H3-3A: variants seen among roughly 807,000 people sequenced by gnomAD.
H3-3A encodes the protein histone H3.3.
For missense variants in H3-3A, 7 were observed against 184.0 expected (o/e 0.04, Z 5.57); for synonymous variants, 49 against 61.4 (o/e 0.80, Z 0.95).
At chr1:226,065,554 G>A in intron 2 of H3-3A, 102 bp from the exon 3 acceptor site, 5 of 753,304 alleles carry the variant, frequency 6.6e-6, no homozygotes, top group Non-Finnish European at 1.1e-5. Flanking sequence ...ATTGTTGGGT[G>A]GCTTATTTTT....
intron 2 of H3-3A, among the ~76,000 whole-genome samples, chr1:226,065,365 T>TGTATATAA (rs1468306253): frequency 6.6e-6 from 1 of 152,246 alleles, no homozygotes; most frequent in African/African-American, 2.4e-5. Flanking sequence ...TGACAGCTAA[T>TGTATATAA]ACCTTCCCAA....
intron 1 of H3-3A, 137 bp from the exon 2 acceptor site, chr1:226,064,192 T>G (rs1657843329): frequency 1.6e-6 from 1 of 618,252 alleles, no homozygotes. Context: ...CTTCACCCTT[T>G]CAAATTATAT....
intron 3 of H3-3A, among the ~76,000 whole-genome samples, chr1:226,069,275 G>C (rs1658022399): frequency 6.6e-6 from 1 of 152,124 alleles, no homozygotes; most frequent in Non-Finnish European, 1.5e-5. Context: ...TCAAGCTCCT[G>C]ACCTCGGGTG....
At chr1:226,070,268 T>G (rs983145682) in intron 3 of H3-3A, among the ~76,000 whole-genome samples, 3 of 150,828 alleles carry the variant, frequency 2.0e-5, no homozygotes, top group Non-Finnish European at 4.4e-5. Context: ...GATCACGAGG[T>G]CAGGAGATCG....
chr1:226,069,141 G>T (rs1202560182), intron 3 of H3-3A, among the ~76,000 whole-genome samples: 1 of 151,902 alleles, frequency 6.6e-6, no homozygotes, highest in African/African-American at 2.4e-5. Flanking sequence ...CCGCCTCCCG[G>T]GTTCAAGCAA....
intron 1 of H3-3A, among the ~76,000 whole-genome samples, chr1:226,063,197 AG>A (rs1391037789): frequency 1.3e-5 from 2 of 151,772 alleles, no homozygotes; most frequent in Non-Finnish European, 2.9e-5. Flanking sequence ...CGAGCGGGAA[AG>A]GGGTGGAAAT....
intron 1 of H3-3A, among the ~76,000 whole-genome samples, chr1:226,063,248 G>A (rs1411981591): frequency 6.6e-6 from 1 of 152,084 alleles, no homozygotes; most frequent in South Asian, 2.1e-4. Context: ...GCTTTTTGCT[G>A]CCTCCCCACA....
In H3-3A at chr1:226,065,556, C is replaced by G. The variant is rs138566582; in HGVS notation, c.129-100C>G. On this transcript the variant is annotated intron_variant, in intron 2 of 3. Coordinates refer to ENST00000366815, the MANE Select transcript of H3-3A (RefSeq NM_002107.7). ...CTGAAGCTGAAGAATTGTTGGGTGG[C>G]TTATTTTTTGAAAGATTACTGCATT... 284 of 795,772 alleles carry G rather than the reference C, an allele frequency of 3.6e-4. 2 individuals carry two copies. In the East Asian group the frequency reaches 7.3e-3, roughly 20 times the overall value. The allele number at this position is 795,772 out of a possible 1,614,324, so 49.3% of individuals were successfully genotyped here. A position where few individuals can be genotyped will look rare whatever the true frequency, so the allele number is the denominator to read the frequency against.
chr1:226,061,849 G>A (rs1162131845), upstream of H3-3A: 3 of 152,290 alleles, frequency 2.0e-5, no homozygotes, highest in Non-Finnish European at 4.4e-5. Context: ...TTTAGAGGCC[G>A]ACGCGACACA....
At position 226,065,603 on chromosome 1, in the gene H3-3A, CT is replaced by C. The variant is rs1412847481; in HGVS notation, c.129-48del. 3.8e-5 allele frequency: 52 copies of C among 1,361,984 alleles called. No individual in the cohort carries two copies. The African/African-American group carries it at 4.1e-4, about 11-fold the overall frequency. 84.4% of individuals were successfully genotyped at this position (1,361,984 alleles called of 1,614,324 possible). On this transcript the variant is annotated intron_variant, in intron 2 of 3. Transcript: ENST00000366815. Reference sequence around the variant, plus strand: ...CATTTCTTTGAAGCTGCCCACTTACCTTTTTGTGCTAGTTATGTTTTTGGTA... The same window carrying C: ...CATTTCTTTGAAGCTGCCCACTTACCTTTTGTGCTAGTTATGTTTTTGGTA...
At chr1:226,069,042 A>G (rs941159500) in intron 3 of H3-3A, among the ~76,000 whole-genome samples, 2 of 145,676 alleles carry the variant, frequency 1.4e-5, no homozygotes, top group Non-Finnish European at 1.5e-5. Context: ...TAGAAATGTG[A>G]AAGTACCTTT....
At chr1:226,066,003 T>G (rs1420973462) in intron 3 of H3-3A, 194 bp downstream of exon 3, 2 of 608,510 alleles carry the variant, frequency 3.3e-6, no homozygotes, top group African/African-American at 3.7e-5. Flanking sequence ...AACCATAATT[T>G]GAACCTATTT....
chr1:226,065,127 G>T (rs969016954), intron 2 of H3-3A, among the ~76,000 whole-genome samples: 1 of 152,196 alleles, frequency 6.6e-6, no homozygotes, highest in South Asian at 2.1e-4. Flanking sequence ...ACTTTTCCAC[G>T]TGGAAGGAAC....
intron 3 of H3-3A, among the ~76,000 whole-genome samples, chr1:226,070,426 C>G (rs1347147004): frequency 6.6e-6 from 1 of 150,824 alleles, no homozygotes; most frequent in Non-Finnish European, 1.5e-5. Flanking sequence ...GAGCTGAGAT[C>G]TTGCCACTGC....
At chr1:226,069,747 C>T (rs1658042866) in intron 3 of H3-3A, among the ~76,000 whole-genome samples, 1 of 152,262 alleles carries the variant, frequency 6.6e-6, no homozygotes, top group Admixed American at 6.5e-5. Context: ...AGGAGAATTG[C>T]CTGAGCTCGG....
At chr1:226,062,304 A>G (rs985771683), upstream of H3-3A, among the ~76,000 whole-genome samples, 3 of 147,182 alleles carry the variant, frequency 2.0e-5, no homozygotes, top group Non-Finnish European at 4.5e-5. Flanking sequence ...CCGGGCGTTC[A>G]CCCGCCGCGC....
Position 226,071,924 on chromosome 1 carries a change from C to T in H3-3A, c.*445C>T, listed in dbSNP as rs2102743090. 4.6e-6 allele frequency: 1 copy of T among 218,042 alleles called. No homozygotes were observed. The highest frequency in any genetic ancestry group is 1.8e-4 in the South Asian group (1 of 5,538). 13.5% of individuals were successfully genotyped at this position (218,042 alleles called of 1,614,324 possible). On this transcript the variant is annotated 3_prime_UTR_variant, in exon 4 of 4. Coordinates refer to ENST00000366815, the MANE Select transcript of H3-3A (RefSeq NM_002107.7). ...ATACTTTTCTAACTGAGTTGTCCTA[C>T]ATGCAAGTACATGTTTTTAATGTTG...
At chr1:226,069,748 C>T (rs1658042972) in intron 3 of H3-3A, among the ~76,000 whole-genome samples, 1 of 151,858 alleles carries the variant, frequency 6.6e-6, no homozygotes, top group Non-Finnish European at 1.5e-5. Context: ...GGAGAATTGC[C>T]TGAGCTCGGG....
intron 2 of H3-3A, among the ~76,000 whole-genome samples, chr1:226,065,252 T>A (rs1459637083): frequency 1.3e-5 from 2 of 152,118 alleles, no homozygotes; most frequent in East Asian, 3.9e-4. Context: ...TTAAATGAAG[T>A]TCATTGGGTT....
Sources: allele counts gnomAD v4.1 joint callset (sites outside exome capture counted in the v4.1 genomes callset), GRCh38; gene constraint gnomAD v4.1.1; transcripts MANE v1.5; gene names NCBI Gene and HGNC (gene_info 2026-07-23, HGNC 2026-07-21).